Variants in P4HA1 observed in about 807,000 individuals in gnomAD.
The protein encoded by P4HA1 is prolyl 4-hydroxylase subunit alpha-1.
P4HA1 carries 24 observed loss-of-function variants against 72.8 expected under a neutral mutation model. The observed-to-expected ratio is 0.33, with a 90% CI of 0.24 to 0.46. The LOEUF (loss-of-function observed/expected upper bound fraction) is 0.46, where lower values mean the gene tolerates loss of function less well. P4HA1 is among the 20% of genes least tolerant of loss of function. The pLI, the probability that P4HA1 is intolerant of heterozygous loss-of-function variation, is 1.00. For missense variants in P4HA1, 446 were observed against 640.6 expected (o/e 0.70, Z 3.28); for synonymous variants, 201 against 218.8 (o/e 0.92, Z 0.72).
intron 1 of P4HA1, 34 bp from the exon 2 acceptor site, chr10:73,074,949 TA>T: frequency 1.4e-6 from 1 of 736,772 alleles, no homozygotes; most frequent in South Asian, 1.7e-5. Flanking sequence ...AGCCATTACT[TA>T]AAAAATACAA....
chr10:73,018,260 CTGAGCT>C (rs1564619281), intron 10 of P4HA1, among the ~76,000 whole-genome samples: 1 of 152,180 alleles, frequency 6.6e-6, no homozygotes, highest in Non-Finnish European at 1.5e-5. Flanking sequence ...TCCCCTGAGC[CTGAGCT>C]GAAACAGCAC....
chr10:73,070,239 C>A (rs1841529022), intron 4 of P4HA1, among the ~76,000 whole-genome samples: 1 of 139,970 alleles, frequency 7.1e-6, no homozygotes, highest in Non-Finnish European at 1.5e-5. Context: ...CTCATGGCAA[C>A]CTCCAACTCC....
chr10:73,057,261 C>T (rs1841172859), intron 5 of P4HA1, among the ~76,000 whole-genome samples: 1 of 151,802 alleles, frequency 6.6e-6, no homozygotes, highest in Non-Finnish European at 1.5e-5. Context: ...GAGGCCGAAG[C>T]AGGCAGATCA....
chr10:73,028,229 T>C (rs548325970), intron 10 of P4HA1, among the ~76,000 whole-genome samples: 1 of 135,854 alleles, frequency 7.4e-6, no homozygotes, highest in Non-Finnish European at 1.5e-5. Context: ...AATTTTGAGA[T>C]AGGAAAAAAA....
chr10:73,030,205 C>T (rs1183328819), intron 10 of P4HA1, 66 bp downstream of exon 10: 2 of 737,162 alleles, frequency 2.7e-6, no homozygotes, highest in Non-Finnish European at 4.2e-6. Flanking sequence ...TGTTCAGTGT[C>T]AGGAAATCTC....
Position 73,008,148 on chromosome 10 carries a change from A to C in P4HA1, c.*74T>G. On this transcript the variant is annotated 3_prime_UTR_variant, in exon 15 of 15. Coordinates refer to ENST00000394890, the MANE Select transcript of P4HA1 (RefSeq NM_001017962.3). ...AGTGTTAGTCAATTGTAAACTCCTG[A>C]AAGTTAAGACTAGGAAATGTGTATA... is the stretch of plus-strand genomic sequence containing the variant. 2 of 891,478 alleles carry C rather than the reference A, an allele frequency of 2.2e-6. No individual in the cohort carries two copies. The highest frequency in any genetic ancestry group is 3.7e-6 in the Non-Finnish European group (2 of 542,794). 55.2% of individuals were successfully genotyped at this position (891,478 alleles called of 1,614,324 possible).
At chr10:73,087,462 C>T (rs957695448) in intron 1 of P4HA1, among the ~76,000 whole-genome samples, 1 of 151,752 alleles carries the variant, frequency 6.6e-6, no homozygotes, top group Admixed American at 6.6e-5. Context: ...GAGACGGTTT[C>T]GCTATGTTGG....
intron 14 of P4HA1, among the ~76,000 whole-genome samples, chr10:73,008,732 T>C (rs1839846478): frequency 1.3e-5 from 2 of 152,166 alleles, no homozygotes; most frequent in Admixed American, 1.3e-4. Context: ...AACTCTCTTA[T>C]CAACCATTGC....
intron 9 of P4HA1, among the ~76,000 whole-genome samples, chr10:73,042,716 G>T (rs114363885): frequency 5.8e-4 from 88 of 151,764 alleles, no homozygotes; most frequent in African/African-American, 2.0e-3. Flanking sequence ...CTCAACAGGG[G>T]TGGAGTCACT....
intron 1 of P4HA1, among the ~76,000 whole-genome samples, chr10:73,092,479 A>G (rs1842056443): frequency 6.7e-6 from 1 of 149,530 alleles, no homozygotes; most frequent in African/African-American, 2.5e-5. Context: ...CCTCCCAAGT[A>G]GTTAGACTAC....
intron 10 of P4HA1, among the ~76,000 whole-genome samples, chr10:73,022,786 A>C (rs1383128306): frequency 6.6e-6 from 1 of 152,234 alleles, no homozygotes; most frequent in African/African-American, 2.4e-5. Context: ...CAAACAGTGT[A>C]GAGAAGACCT....
At chr10:73,017,694 G>T (rs972920896) in intron 10 of P4HA1, among the ~76,000 whole-genome samples, 1 of 151,986 alleles carries the variant, frequency 6.6e-6, no homozygotes, top group African/African-American at 2.4e-5. Flanking sequence ...CCTGTCGAAG[G>T]GCCCTAACAA....
intron 4 of P4HA1, among the ~76,000 whole-genome samples, chr10:73,070,288 C>CT (rs1267241028): frequency 6.6e-6 from 1 of 151,246 alleles, no homozygotes. Context: ...TCCCGACTAG[C>CT]TGGGATTAAA....
At chr10:73,018,325 C>T (rs184303312) in intron 10 of P4HA1, among the ~76,000 whole-genome samples, 378 of 152,336 alleles carry the variant, frequency 2.5e-3, no homozygotes, top group African/African-American at 8.6e-3. Flanking sequence ...AGCTGCACAT[C>T]CCAGGGCTGA....
chr10:73,017,213 CTATATCTACAGAT>C (rs1840027578), intron 10 of P4HA1, among the ~76,000 whole-genome samples: 1 of 145,414 alleles, frequency 6.9e-6, no homozygotes, highest in Non-Finnish European at 1.5e-5. Flanking sequence ...ATATAGATAT[CTATATCTACAGAT>C]GTATATATAG....
At chr10:73,087,087 A>AT (rs1841938505) in intron 1 of P4HA1, among the ~76,000 whole-genome samples, 1 of 151,974 alleles carries the variant, frequency 6.6e-6, no homozygotes, top group African/African-American at 2.4e-5. Flanking sequence ...TAGCTACACT[A>AT]TTTGCCCTTC....
At position 73,018,983 on chromosome 10, in the gene P4HA1, C is replaced by T. The variant is rs529514138; in HGVS notation, c.1249-2084G>A. ...ATCCTAGCCCCATAGCCACTCCAAA[C>T]GCTTGCACCTGGATTGCAGCACCAT... On this transcript the variant is annotated intron_variant, in intron 10 of 14. Coordinates refer to ENST00000394890, the MANE Select transcript of P4HA1 (RefSeq NM_001017962.3). Among the ~76,000 whole-genome samples, 27 of 152,224 alleles carry T rather than the reference C, an allele frequency of 1.8e-4. No individual in the cohort carries two copies. In the East Asian group the frequency reaches 2.3e-3, roughly 13 times the overall value.
chr10:73,095,850 C>G (rs968267560), intron 1 of P4HA1, among the ~76,000 whole-genome samples: 1 of 152,134 alleles, frequency 6.6e-6, no homozygotes, highest in African/African-American at 2.4e-5. Flanking sequence ...GTAACAGAGT[C>G]GATTATTTAG....
chr10:73,045,024 T>A lies in P4HA1; in HGVS notation c.1105A>T (p.Ile369Leu), dbSNP rs201139791. 2 of 1,613,732 alleles carry A rather than the reference T, an allele frequency of 1.2e-6. No homozygotes were observed. Among genetic ancestry groups the A allele is most frequent in the Admixed American group, 3.3e-5 (2 of 59,994 alleles). The change falls in exon 9 of 15, where the codon ATA (isoleucine) becomes TTA (leucine). Residue 369 changes from isoleucine to leucine, a missense_variant. Transcript: ENST00000394890. ...RLRRATISNP[I>L]TGDLETVHYR... ...TGTACCGTCTCCAAGTCTCCTGTTA[T>A]TGGGTTTGAAATGGTGGCTCGCCTC...
Sources: allele counts gnomAD v4.1 joint callset (sites outside exome capture counted in the v4.1 genomes callset), GRCh38; gene constraint gnomAD v4.1.1; transcripts MANE v1.5; gene names NCBI Gene and HGNC (gene_info 2026-07-23, HGNC 2026-07-21).